SOBP: variants seen among roughly 807,000 people sequenced by gnomAD.
SOBP encodes the protein sine oculis binding protein homolog.
A neutral mutation model predicts 53.6 loss-of-function variants in SOBP; 4 were observed. That is an observed-to-expected ratio of 0.07 (90% CI 0.04 to 0.17). SOBP has a LOEUF of 0.17. Ranked by LOEUF, SOBP falls within the 10% of genes least tolerant of loss-of-function variation. SOBP has a pLI of 1.00. For synonymous variants in SOBP, 584 were observed against 522.6 expected (o/e 1.12, Z -1.60); for missense variants, 1,088 against 1,204.7 (o/e 0.90, Z 1.43).
intron 5 of SOBP, among the ~76,000 whole-genome samples, chr6:107,617,758 C>T (rs1392859475): frequency 6.6e-6 from 1 of 151,676 alleles, no homozygotes; most frequent in Non-Finnish European, 1.5e-5. Context: ...GGGCCAAGCC[C>T]ATGCTCTCTC....
intron 3 of SOBP, among the ~76,000 whole-genome samples, chr6:107,524,161 T>C (rs971592858): frequency 8.5e-5 from 13 of 152,228 alleles, no homozygotes; most frequent in African/African-American, 3.1e-4. Context: ...GCTGCCACTT[T>C]TGTATCTCTT....
intron 4 of SOBP, among the ~76,000 whole-genome samples, chr6:107,580,641 G>A (rs1228841537): frequency 6.6e-6 from 1 of 152,180 alleles, no homozygotes; most frequent in Non-Finnish European, 1.5e-5. Context: ...TCTAATCAAG[G>A]AATGGACTTT....
intron 6 of SOBP, among the ~76,000 whole-genome samples, chr6:107,648,874 G>A (rs919500579): frequency 2.6e-5 from 4 of 152,124 alleles, no homozygotes; most frequent in African/African-American, 9.7e-5. Flanking sequence ...AAAAATGCCT[G>A]GTGCTGTATT....
At chr6:107,636,865 G>A (rs766349590) in intron 6 of SOBP, among the ~76,000 whole-genome samples, 1 of 152,132 alleles carries the variant, frequency 6.6e-6, no homozygotes, top group African/African-American at 2.4e-5. Context: ...GACAATTATC[G>A]TCTTCATTTT....
At chr6:107,509,281 C>T (rs909803030) in intron 3 of SOBP, among the ~76,000 whole-genome samples, 1 of 151,752 alleles carries the variant, frequency 6.6e-6, no homozygotes, top group South Asian at 2.1e-4. Flanking sequence ...GTAATCCCAG[C>T]TTCTAGGGAG....
chr6:107,536,127 G>A (rs541171703), intron 4 of SOBP, among the ~76,000 whole-genome samples: 3 of 152,084 alleles, frequency 2.0e-5, no homozygotes, highest in East Asian at 3.9e-4. Flanking sequence ...TTTTGCCTTA[G>A]GTATAGTGTA....
chr6:107,537,819 CAA>C (rs527261424), intron 4 of SOBP, among the ~76,000 whole-genome samples: 71 of 94,598 alleles, frequency 7.5e-4, no homozygotes, highest in Admixed American at 1.3e-3. Flanking sequence ...GACCCTATCT[CAA>C]AAAAAAAAAA....
intron 4 of SOBP, among the ~76,000 whole-genome samples, chr6:107,560,894 G>A (rs1784754941): frequency 6.6e-6 from 1 of 152,186 alleles, no homozygotes; most frequent in South Asian, 2.1e-4. Context: ...CACCTTTTCA[G>A]GCTTTTTTAC....
At position 107,584,702 on chromosome 6, in the gene SOBP, C is replaced by A. The variant is rs145502738; in HGVS notation, c.574-2378C>A. Among the ~76,000 whole-genome samples, 372 of 152,248 alleles carry A rather than the reference C, an allele frequency of 2.4e-3. 3 individuals are homozygous for A. The highest frequency in any genetic ancestry group is 8.6e-3 in the African/African-American group (357 of 41,552). On this transcript the variant is annotated intron_variant, in intron 4 of 6. Transcript: ENST00000317357. ...TTCAATCCCCCTCTCCTTTCTCTTC[C>A]ACTGCTACTTTATTTAACCTCATAA...
In SOBP at chr6:107,630,750, G is replaced by GTCTCTCTCTC. The variant is rs60388300; in HGVS notation, c.670-2739_670-2730dup. On this transcript the variant is annotated intron_variant, in intron 5 of 6. Coordinates refer to ENST00000317357, the MANE Select transcript of SOBP (RefSeq NM_018013.4). ...ACACACACACACACACACACACTCT[G>GTCTCTCTCTC]TCTCTCTCTCTCTCTCTCTCTCTCT... Among the ~76,000 whole-genome samples the GTCTCTCTCTC allele has an allele frequency of 2.6e-3, 390 of 148,656 alleles. 1 individual carries two copies. Among genetic ancestry groups the GTCTCTCTCTC allele is most frequent in the African/African-American group, 9.2e-3 (371 of 40,220 alleles).
chr6:107,567,000 C>T (rs926527726), intron 4 of SOBP, among the ~76,000 whole-genome samples: 21 of 152,212 alleles, frequency 1.4e-4, no homozygotes, highest in African/African-American at 4.6e-4. Context: ...CTCTGCACAA[C>T]ATTTATTACA....
chr6:107,511,276 T>C (rs1430905851), intron 3 of SOBP: 1 of 152,246 alleles, frequency 6.6e-6, no homozygotes, highest in Non-Finnish European at 1.5e-5. Context: ...CCTGTTAATA[T>C]ACTACTTCCA....
chr6:107,596,911 A>G (rs1008481961), intron 5 of SOBP, among the ~76,000 whole-genome samples: 4 of 152,174 alleles, frequency 2.6e-5, no homozygotes, highest in Non-Finnish European at 5.9e-5. Flanking sequence ...TATTATCCAT[A>G]CTTTAGAATT....
intron 4 of SOBP, among the ~76,000 whole-genome samples, chr6:107,585,487 C>T (rs1181898563): frequency 6.6e-6 from 1 of 152,184 alleles, no homozygotes; most frequent in Non-Finnish European, 1.5e-5. Context: ...GAAGAAACAT[C>T]ATTGGTCTCA....
intron 4 of SOBP, among the ~76,000 whole-genome samples, chr6:107,572,459 A>G (rs1367097683): frequency 2.0e-5 from 3 of 152,098 alleles, no homozygotes; most frequent in African/African-American, 4.8e-5. Context: ...GCCCACCACA[A>G]TGCCCAACTA....
At chr6:107,575,790 C>G (rs1256712648) in intron 4 of SOBP, among the ~76,000 whole-genome samples, 1 of 152,084 alleles carries the variant, frequency 6.6e-6, no homozygotes, top group African/African-American at 2.4e-5. Context: ...AATTGTCATC[C>G]AGAAATGAAC....
At chr6:107,574,039 T>C (rs1046184430) in intron 4 of SOBP, among the ~76,000 whole-genome samples, 1 of 152,178 alleles carries the variant, frequency 6.6e-6, no homozygotes, top group South Asian at 2.1e-4. Flanking sequence ...AGTGAATGAA[T>C]GGAGACCTAA....
At chr6:107,600,050 G>C (rs17068356) in intron 5 of SOBP, among the ~76,000 whole-genome samples, 2,587 of 152,320 alleles carry the variant, frequency 0.017, 73 homozygotes, top group East Asian at 0.14. Flanking sequence ...ACAATAAGCT[G>C]CCTATTATGG....
At chr6:107,604,519 A>T (rs1436443231) in intron 5 of SOBP, among the ~76,000 whole-genome samples, 2 of 149,530 alleles carry the variant, frequency 1.3e-5, no homozygotes, top group African/African-American at 4.9e-5. Flanking sequence ...CCACCCCCTA[A>T]TCCCCCTACA....
Sources: allele counts gnomAD v4.1 joint callset (sites outside exome capture counted in the v4.1 genomes callset), GRCh38; gene constraint gnomAD v4.1.1; transcripts MANE v1.5; gene names NCBI Gene and HGNC (gene_info 2026-07-23, HGNC 2026-07-21).